Variants in FTCDNL1 observed in about 807,000 individuals in gnomAD.
FTCDNL1 encodes formiminotransferase cyclodeaminase N-terminal like, also known as formiminotransferase N-terminal subdomain-containing protein.
A neutral mutation model predicts 5.9 loss-of-function variants in FTCDNL1; 11 were observed. The ratio of observed to expected loss-of-function variants is 1.87; its 90% confidence interval spans 1.18 to 3.10. The LOEUF (loss-of-function observed/expected upper bound fraction) is 3.10, where lower values mean the gene tolerates loss of function less well. Among genes scored for constraint, FTCDNL1 ranks in the 30% most tolerant of loss-of-function variants. The probability of loss-of-function intolerance (pLI) is 0.00; values close to 1 mark genes in which losing one functional copy is unlikely to be tolerated. For missense variants in FTCDNL1, 115 were observed against 65.5 expected (o/e 1.76, Z -2.61); for synonymous variants, 58 against 24.8 (o/e 2.34, Z -3.99).
the FTCDNL1 span, among the ~76,000 whole-genome samples, chr2:199,713,331 T>C: frequency 2.0e-5 from 3 of 151,934 alleles, no homozygotes; most frequent in Admixed American, 2.0e-4. Context: ...TTTGAAGACA[T>C]TGGACATCAA....
intron 3 of FTCDNL1, among the ~76,000 whole-genome samples, chr2:199,829,131 G>A (rs114883381): frequency 0.023 from 3,442 of 152,172 alleles, 133 homozygotes; most frequent in East Asian, 0.17. Context: ...TTTGAAACAG[G>A]CAAAACAAAA....
intron 3 of FTCDNL1, among the ~76,000 whole-genome samples, chr2:199,789,094 A>T (rs1699798536): frequency 6.6e-6 from 1 of 152,186 alleles, no homozygotes; most frequent in African/African-American, 2.4e-5. Context: ...AACTTACTTA[A>T]ATTATTCCAG....
chr2:199,664,614 T>C, the FTCDNL1 span, among the ~76,000 whole-genome samples: 5 of 152,202 alleles, frequency 3.3e-5, no homozygotes, highest in African/African-American at 1.2e-4. Context: ...CACAGAATAC[T>C]GGAACTTAAA....
At chr2:199,790,949 A>G (rs189352177) in intron 3 of FTCDNL1, among the ~76,000 whole-genome samples, 1 of 152,118 alleles carries the variant, frequency 6.6e-6, no homozygotes, top group Non-Finnish European at 1.5e-5. Context: ...ACTTCTTAAA[A>G]CCTATCCCAG....
chr2:199,803,382 T>G lies in FTCDNL1; in HGVS notation c.212-42547A>C, dbSNP rs114134904. ...GAACTGGAACACAACAAACTAGAGG[T>G]GAAGGCCCATCAGGCCTAGGAAGAG... is the stretch of plus-strand genomic sequence containing the variant. On this transcript the variant is annotated intron_variant, in intron 3 of 3. Transcript: ENST00000416668. 2.8e-3 allele frequency among the ~76,000 whole-genome samples: 426 copies of G among 151,986 alleles called. 3 individuals are homozygous for G. Among genetic ancestry groups the G allele is most frequent in the African/African-American group, 9.7e-3 (402 of 41,446 alleles).
intron 3 of FTCDNL1, among the ~76,000 whole-genome samples, chr2:199,796,993 T>C (rs1700204957): frequency 6.6e-6 from 1 of 152,062 alleles, no homozygotes; most frequent in African/African-American, 2.4e-5. Flanking sequence ...AACTGACCAC[T>C]AGATAACCCA....
the FTCDNL1 span, among the ~76,000 whole-genome samples, chr2:199,723,261 T>C: frequency 1.3e-5 from 2 of 152,160 alleles, no homozygotes; most frequent in African/African-American, 4.8e-5. Flanking sequence ...TAAAGTTGCT[T>C]ATCAGCTTAA....
intron 3 of FTCDNL1, among the ~76,000 whole-genome samples, chr2:199,838,729 C>T (rs990697689): frequency 6.6e-6 from 1 of 152,184 alleles, no homozygotes; most frequent in African/African-American, 2.4e-5. Flanking sequence ...TCCACACAGA[C>T]AGGCACCTGC....
intron 3 of FTCDNL1, among the ~76,000 whole-genome samples, chr2:199,823,375 C>T (rs1701816252): frequency 6.6e-6 from 1 of 152,256 alleles, no homozygotes; most frequent in East Asian, 1.9e-4. Flanking sequence ...TCTAGAATGG[C>T]AAATCCTTTC....
At chr2:199,824,797 C>T (rs1701921127) in intron 3 of FTCDNL1, among the ~76,000 whole-genome samples, 1 of 152,084 alleles carries the variant, frequency 6.6e-6, no homozygotes, top group Non-Finnish European at 1.5e-5. Context: ...GGTTGTGATT[C>T]GTGGCACCCC....
chr2:199,755,242 A>G, the FTCDNL1 span, among the ~76,000 whole-genome samples: 1 of 152,198 alleles, frequency 6.6e-6, no homozygotes, highest in East Asian at 1.9e-4. Flanking sequence ...CACTGGCTTG[A>G]TAAGTAGGTA....
chr2:199,739,728 C>A, the FTCDNL1 span, among the ~76,000 whole-genome samples: 13 of 152,308 alleles, frequency 8.5e-5, 1 homozygote, highest in African/African-American at 2.6e-4. Flanking sequence ...CCCAACACCC[C>A]GAAATGCTTA....
chr2:199,817,698 G>A (rs907863651), intron 4 of FTCDNL1, among the ~76,000 whole-genome samples: 4 of 149,636 alleles, frequency 2.7e-5, no homozygotes, highest in South Asian at 2.1e-4. Flanking sequence ...AGCCGAGATC[G>A]CACCACTGTA....
chr2:199,799,488 T>C (rs1700336504), intron 3 of FTCDNL1, among the ~76,000 whole-genome samples: 1 of 152,176 alleles, frequency 6.6e-6, no homozygotes, highest in Non-Finnish European at 1.5e-5. Flanking sequence ...TTAACTATGC[T>C]GCATATTTAC....
At chr2:199,679,614 G>A in the FTCDNL1 span, among the ~76,000 whole-genome samples, 1 of 151,602 alleles carries the variant, frequency 6.6e-6, no homozygotes, top group African/African-American at 2.4e-5. Flanking sequence ...TGGTGATTTG[G>A]AACATAGACA....
At chr2:199,839,167 A>G (rs1474453915) in intron 3 of FTCDNL1, among the ~76,000 whole-genome samples, 1 of 152,216 alleles carries the variant, frequency 6.6e-6, no homozygotes, top group South Asian at 2.1e-4. Context: ...CCTTTAAAAA[A>G]AAAAATACAG....
intron 3 of FTCDNL1, among the ~76,000 whole-genome samples, chr2:199,771,828 T>A (rs945248430): frequency 5.3e-5 from 8 of 152,204 alleles, no homozygotes. Context: ...AATATACTAC[T>A]TCCCCCCTTA....
chr2:199,790,659 T>A (rs758113243), intron 3 of FTCDNL1, among the ~76,000 whole-genome samples: 6 of 152,172 alleles, frequency 3.9e-5, no homozygotes, highest in Non-Finnish European at 8.8e-5. Flanking sequence ...AATACTTTTT[T>A]TTGACAAACA....
intron 3 of FTCDNL1, among the ~76,000 whole-genome samples, chr2:199,786,308 G>A (rs1160865370): frequency 6.6e-6 from 1 of 151,724 alleles, no homozygotes; most frequent in Non-Finnish European, 1.5e-5. Context: ...TTTAAAAAGG[G>A]GTGTCACTTA....
Sources: gnomAD v4.1 joint callset for allele counts (sites outside exome capture counted in the v4.1 genomes callset) on GRCh38, gnomAD v4.1.1 for gene constraint, MANE v1.5 for transcripts, NCBI Gene and HGNC (gene_info 2026-07-23, HGNC 2026-07-21) for gene names.